CDH23: variants seen among roughly 807,000 people sequenced by gnomAD.
CDH23 encodes the protein cadherin-23.
Under a neutral mutation model 317.1 loss-of-function variants are expected in CDH23, and 189 were observed. That is an observed-to-expected ratio of 0.60 (90% CI 0.53 to 0.67). The LOEUF (loss-of-function observed/expected upper bound fraction) is 0.67, where lower values mean the gene tolerates loss of function less well. Ranked by LOEUF, CDH23 falls within the 30% of genes least tolerant of loss-of-function variation. CDH23 has a pLI of 0.00. For missense variants in CDH23, 4,401 were observed against 4,592.4 expected (o/e 0.96, Z 1.20); for synonymous variants, 1,839 against 1,876.8 (o/e 0.98, Z 0.52).
At chr10:71,608,916 G>GGACTCAGGGGCTGTTAGCCCA (rs1564684742) in intron 9 of CDH23, among the ~76,000 whole-genome samples, 1 of 152,228 alleles carries the variant, frequency 6.6e-6, no homozygotes, top group Non-Finnish European at 1.5e-5. Context: ...AGCAGAGGCA[G>GGACTCAGGGGCTGTTAGCCCA]GACTCAGGGG....
In CDH23 at chr10:71,745,932, C is replaced by T. The variant is rs191999410; in HGVS notation, c.4845+4011C>T. Among the ~76,000 whole-genome samples, 87 of 152,358 alleles carry T rather than the reference C, an allele frequency of 5.7e-4. No homozygotes were observed. The Middle Eastern group carries it at 0.01, about 18-fold the overall frequency. On this transcript the variant is annotated intron_variant, in intron 38 of 69. Transcript: ENST00000224721. The stretch of plus-strand genomic sequence containing the variant: ...GGCCCACTTGCCATCCTTTTACTCC[C>T]ACTGCAGTTATCTGCCTGGCTTCAA...
intron 6 of CDH23, among the ~76,000 whole-genome samples, chr10:71,526,255 A>T (rs538910367): frequency 2.0e-5 from 3 of 152,310 alleles, no homozygotes; most frequent in African/African-American, 7.2e-5. Flanking sequence ...AGATGAGCCT[A>T]GCAAAGTGGC....
intron 11 of CDH23, among the ~76,000 whole-genome samples, chr10:71,639,159 C>T (rs1257434825): frequency 1.3e-5 from 2 of 152,366 alleles, no homozygotes; most frequent in Middle Eastern, 3.4e-3. Flanking sequence ...CCGCGGTGGG[C>T]GCTATCAGCC....
chr10:71,648,786 C>T (rs956159722), intron 14 of CDH23, among the ~76,000 whole-genome samples: 13 of 152,282 alleles, frequency 8.5e-5, no homozygotes, highest in South Asian at 8.3e-4. Context: ...CCAGCAGATC[C>T]GGCCAGCCTC....
At chr10:71,803,982 CAAAAAA>C (rs35814351) in intron 55 of CDH23, among the ~76,000 whole-genome samples, 2 of 130,682 alleles carry the variant, frequency 1.5e-5, no homozygotes, top group African/African-American at 2.8e-5. Flanking sequence ...GAGACTTTGT[CAAAAAA>C]AAAAAAAAAA....
At chr10:71,544,163 A>C (rs566827589) in intron 6 of CDH23, among the ~76,000 whole-genome samples, 1 of 152,258 alleles carries the variant, frequency 6.6e-6, no homozygotes, top group East Asian at 1.9e-4. Flanking sequence ...TTAGAAGCTA[A>C]TTTTCCTGGT....
At chr10:71,515,348 C>T (rs1854228382) in intron 6 of CDH23, among the ~76,000 whole-genome samples, 1 of 139,994 alleles carries the variant, frequency 7.1e-6, no homozygotes, top group Admixed American at 7.1e-5. Context: ...GCAATGGATA[C>T]CTGTCTGTTT....
intron 3 of CDH23, among the ~76,000 whole-genome samples, chr10:71,446,832 C>T (rs935013249): frequency 6.6e-6 from 1 of 152,224 alleles, no homozygotes; most frequent in Non-Finnish European, 1.5e-5. Flanking sequence ...CTCAGCCCGT[C>T]GCCCCATCAC....
intron 1 of CDH23, among the ~76,000 whole-genome samples, chr10:71,429,886 T>C (rs1281331346): frequency 6.6e-6 from 1 of 152,220 alleles, no homozygotes; most frequent in African/African-American, 2.4e-5. Context: ...GACAAGGGCA[T>C]GGCCAGCTGT....
At chr10:71,693,698 A>G (rs138695155) in intron 20 of CDH23, among the ~76,000 whole-genome samples, 1 of 152,154 alleles carries the variant, frequency 6.6e-6, no homozygotes, top group South Asian at 2.1e-4. Context: ...GGTAGTTCCT[A>G]TTATGGTTCC....
rs375517846 is a variant in CDH23, at chr10:71,715,971, T to C, written c.3369+3158T>C. 244 of 1,487,810 alleles carry C rather than the reference T, an allele frequency of 1.6e-4. No homozygotes were observed. In the African/African-American group the frequency reaches 3.2e-3, roughly 19 times the overall value. The allele number at this position is 1,487,810 out of a possible 1,614,324, so 92.2% of individuals were successfully genotyped here. On this transcript the variant is annotated intron_variant, in intron 28 of 69. Coordinates refer to ENST00000224721, the MANE Select transcript of CDH23 (RefSeq NM_022124.6). ...GTAGATTCCATGTAGTCACAGTGGC[T>C]GCGGTTGTCCTCGGGGCCCGGCAGG... is the stretch of plus-strand genomic sequence containing the variant.
At chr10:71,421,295 G>A (rs1483898710) in intron 1 of CDH23, among the ~76,000 whole-genome samples, 1 of 152,190 alleles carries the variant, frequency 6.6e-6, no homozygotes, top group African/African-American at 2.4e-5. Flanking sequence ...CTGCCACCAT[G>A]TTTATTTAAC....
At position 71,740,987 on chromosome 10, in the gene CDH23, C is replaced by T. The variant is rs773917329; in HGVS notation, c.4617+37C>T. On this transcript the variant is annotated intron_variant, in intron 37 of 69. Coordinates refer to ENST00000224721, the MANE Select transcript of CDH23 (RefSeq NM_022124.6). Reference sequence around the variant, plus strand: ...CCCGGGGCCCATATAGCTGGACATACGGGGGGACCGTGGGCACGAGCCAAC... The same window carrying T: ...CCCGGGGCCCATATAGCTGGACATATGGGGGGACCGTGGGCACGAGCCAAC... The T allele has an allele frequency of 6.2e-6, 10 of 1,611,992 alleles. No individual in the cohort carries two copies. In the African/African-American group the frequency reaches 8.0e-5, roughly 13 times the overall value.
Position 71,798,526 on chromosome 10 carries a change from C to T in CDH23, c.7002C>T (p.Thr2334=), listed in dbSNP as rs1423981525. ...DKGLNGLVTY[T]LLDLVPPGYV... is the part of the protein sequence containing the mutation. ...GCCTTAATGGGCTGGTCACCTACAC[C>T]CTGCTGGACCTGGTGCCCCCAGGGT... Residue 2334 remains threonine (T), a synonymous_variant, in exon 50 of 70, where the codon ACC becomes ACT. Coordinates refer to ENST00000224721, the MANE Select transcript of CDH23 (RefSeq NM_022124.6). 3.1e-6 allele frequency: 5 copies of T among 1,613,578 alleles called. No homozygotes were observed. Among genetic ancestry groups the T allele is most frequent in the Non-Finnish European group, 4.2e-6 (5 of 1,179,746 alleles).
intron 6 of CDH23, among the ~76,000 whole-genome samples, chr10:71,526,651 C>G (rs1855055434): frequency 6.6e-6 from 1 of 152,208 alleles, no homozygotes; most frequent in African/African-American, 2.4e-5. Context: ...TGTATCTTAT[C>G]ATTTCCTTGA....
At position 71,511,212 on chromosome 10, in the gene CDH23, G is replaced by A; in HGVS notation, c.429G>A (p.Glu143=). Reference sequence around the variant, plus strand: ...AGCCCTACAGCGTCCGCATCCCTGAGGTAGGAGCCACTGGGGTTACCCTTG... The same window carrying A: ...AGCCCTACAGCGTCCGCATCCCTGAAGTAGGAGCCACTGGGGTTACCCTTG... ...HNQPYSVRIP[E]NTPVGTPIFI... Residue 143 remains glutamate (E), a splice_region_variant and synonymous_variant, in exon 6 of 70, where the codon GAG becomes GAA. Transcript: ENST00000224721. 2 of 1,613,246 alleles carry A rather than the reference G, an allele frequency of 1.2e-6. No homozygotes were observed. Among genetic ancestry groups the A allele is most frequent in the South Asian group, 1.1e-5 (1 of 91,032 alleles).
intron 3 of CDH23, among the ~76,000 whole-genome samples, chr10:71,506,995 G>A (rs1853677023): frequency 6.6e-6 from 1 of 152,206 alleles, no homozygotes; most frequent in Non-Finnish European, 1.5e-5. Flanking sequence ...GGGAGGACCT[G>A]AGCGTCAAGC....
intron 3 of CDH23, among the ~76,000 whole-genome samples, chr10:71,460,322 G>A (rs1202885956): frequency 2.0e-5 from 3 of 152,238 alleles, no homozygotes; most frequent in African/African-American, 2.4e-5. Context: ...GTCCCCTCTG[G>A]CCGTGTGCCC....
At chr10:71,530,761 T>G (rs1386648759) in intron 6 of CDH23, among the ~76,000 whole-genome samples, 2 of 152,250 alleles carry the variant, frequency 1.3e-5, no homozygotes, top group African/African-American at 4.8e-5. Flanking sequence ...CAGCATCATG[T>G]GCAGTTAATC....
Sources: gnomAD v4.1 joint callset for allele counts (sites outside exome capture counted in the v4.1 genomes callset) on GRCh38, gnomAD v4.1.1 for gene constraint, MANE v1.5 for transcripts, NCBI Gene and HGNC (gene_info 2026-07-23, HGNC 2026-07-21) for gene names.